Variants in MXD4 observed in about 807,000 individuals in gnomAD.
MXD4 encodes the protein MAX dimerization protein 4.
In MXD4, 16 loss-of-function variants were observed where a neutral mutation model predicts 24.5. The observed-to-expected ratio is 0.65, with a 90% CI of 0.44 to 0.99. The LOEUF is 0.99. Ranked by LOEUF, MXD4 falls within the 50% of genes least tolerant of loss-of-function variation. The pLI is 0.00. For missense variants in MXD4, 301 were observed against 301.5 expected (o/e 1.00, Z 0.01); for synonymous variants, 164 against 134.2 (o/e 1.22, Z -1.54).
intron 3 of MXD4, chr4:2,254,604 T>C (rs1735389075): frequency 6.6e-6 from 1 of 152,068 alleles, no homozygotes; most frequent in Non-Finnish European, 1.5e-5. Flanking sequence ...TTGCAATACA[T>C]ATAAAAGACA....
Position 2,250,337 on chromosome 4 carries a change from C to T in MXD4, c.*207G>A. 2 of 667,926 alleles carry T rather than the reference C, an allele frequency of 3.0e-6. No homozygotes were observed. Among genetic ancestry groups the T allele is most frequent in the Non-Finnish European group, 2.5e-6 (1 of 405,260 alleles). The allele number at this position is 667,926 out of a possible 1,614,324, so 41.4% of individuals were successfully genotyped here. A position where few individuals can be genotyped will look rare whatever the true frequency, so the allele number is the denominator to read the frequency against. On this transcript the variant is annotated 3_prime_UTR_variant, in exon 6 of 6. Transcript: ENST00000337190. ...GTGGAAGCTGGGCCCTGCCTCCTTG[C>T]AGGGGACTCTGCCCAGCTGGAAGGG...
chr4:2,257,245 C>G (rs898609021), intron 3 of MXD4, among the ~76,000 whole-genome samples: 1 of 152,208 alleles, frequency 6.6e-6, no homozygotes, highest in Non-Finnish European at 1.5e-5. Context: ...ACCTGCCCCA[C>G]TAGGAAGGGA....
intron 4 of MXD4, 32 bp downstream of exon 4, chr4:2,252,376 A>T: frequency 1.3e-6 from 2 of 1,563,188 alleles, no homozygotes; most frequent in Non-Finnish European, 1.8e-6. Context: ...AGGCAGCCAG[A>T]CAGGGCAGGG....
intron 4 of MXD4, 88 bp from the exon 5 acceptor site, chr4:2,251,334 C>A: frequency 7.1e-7 from 1 of 1,409,440 alleles, no homozygotes; most frequent in Non-Finnish European, 9.4e-7. Context: ...AGGCCTGGGC[C>A]CGGGAGGTTC....
Position 2,247,994 on chromosome 4 carries a change from G to A in MXD4, c.*2550C>T, listed in dbSNP as rs1485880828. 6.6e-6 allele frequency: 1 copy of A among 152,374 alleles called. No individual in the cohort carries two copies. Among genetic ancestry groups the A allele is most frequent in the Non-Finnish European group, 1.5e-5 (1 of 68,136 alleles). The allele number at this position is 152,374 out of a possible 1,614,324, so 9.4% of individuals were successfully genotyped here. ...GCTCAGTGGCCGAGAGCACTGGTGT[G>A]GGCTGGGAGGGCACACGCAGAGGCT... is the stretch of plus-strand genomic sequence containing the variant. On this transcript the variant is annotated 3_prime_UTR_variant, in exon 6 of 6. Coordinates refer to ENST00000337190, the MANE Select transcript of MXD4 (RefSeq NM_006454.3).
chr4:2,262,000 C>T lies in MXD4; in HGVS notation c.-20G>A. On this transcript the variant is annotated 5_prime_UTR_variant, in exon 1 of 6. Coordinates refer to ENST00000337190, the MANE Select transcript of MXD4 (RefSeq NM_006454.3). ...CTCCATCCTCCCGCCCGCGCCCGTC[C>T]GCCCCGGGACGGCGGCGGCCGCTGC... 3.2e-6 allele frequency: 4 copies of T among 1,254,066 alleles called. 1 individual carries two copies. Among genetic ancestry groups the T allele is most frequent in the Non-Finnish European group, 2.0e-6 (2 of 993,216 alleles). The allele number at this position is 1,254,066 out of a possible 1,614,324, so 77.7% of individuals were successfully genotyped here. A position where few individuals can be genotyped will look rare whatever the true frequency, so the allele number is the denominator to read the frequency against.
At chr4:2,253,680 C>T (rs989960908) in intron 3 of MXD4, 1 of 152,240 alleles carries the variant, frequency 6.6e-6, no homozygotes, top group Admixed American at 6.5e-5. Context: ...AATCTTGTCC[C>T]CCTGGGAGTA....
rs549784362 is a variant in MXD4, at chr4:2,251,145, G to C, written c.411C>G (p.Ser137Arg). The C allele has an allele frequency of 2.5e-6, 4 of 1,600,278 alleles. No individual in the cohort carries two copies. The highest frequency in any genetic ancestry group is 1.7e-5 in the Admixed American group (1 of 58,594). Residue 137 changes from serine to arginine, a missense_variant, in exon 5 of 6, where the codon AGC (serine) becomes AGG (arginine). Ser to Arg is a moderately radical substitution (Grantham distance 110). Coordinates refer to ENST00000337190, the MANE Select transcript of MXD4 (RefSeq NM_006454.3). ...TGCTATCTGTGCGCACGCGCTCCAC[G>C]CTCTGCACCGACAGCTGCTCCAGGC... ...KRRLEQLSVQ[S>R]VERVRTDSTG... is the part of the protein sequence containing the mutation.
intron 5 of MXD4, among the ~76,000 whole-genome samples, 161 bp from the exon 6 acceptor site, chr4:2,250,862 C>T (rs578159800): frequency 1.5e-3 from 225 of 152,276 alleles, no homozygotes; most frequent in African/African-American, 5.0e-3. Flanking sequence ...GCTGAGAACC[C>T]GGCCTCAGAA....
intron 2 of MXD4, chr4:2,260,617 T>G (rs971490355): frequency 2.2e-6 from 1 of 454,976 alleles, no homozygotes; most frequent in South Asian, 1.6e-5. Flanking sequence ...TTCCCCAAAC[T>G]GTCCCCAGTA....
chr4:2,259,751 A>G (rs891691627), intron 2 of MXD4, among the ~76,000 whole-genome samples: 4 of 152,022 alleles, frequency 2.6e-5, no homozygotes, highest in African/African-American at 9.7e-5. Flanking sequence ...GGAGCACTCT[A>G]TCCCTCAGGA....
chr4:2,259,470 T>G (rs909828959), intron 2 of MXD4, among the ~76,000 whole-genome samples: 1 of 152,192 alleles, frequency 6.6e-6, no homozygotes, highest in Admixed American at 6.5e-5. Context: ...TTCCCCAGAA[T>G]AGGCAGGCCG....
At chr4:2,259,888 C>T (rs967369340) in intron 2 of MXD4, among the ~76,000 whole-genome samples, 3 of 152,206 alleles carry the variant, frequency 2.0e-5, no homozygotes, top group African/African-American at 7.2e-5. Flanking sequence ...TCTGCCGCCT[C>T]CCTCAACCCT....
At chr4:2,257,798 G>T (rs1190981078) in intron 3 of MXD4, among the ~76,000 whole-genome samples, 184 bp downstream of exon 3, 1 of 152,248 alleles carries the variant, frequency 6.6e-6, no homozygotes, top group African/African-American at 2.4e-5. Context: ...CCTGCCTCTA[G>T]CACAGAGTGC....
intron 2 of MXD4, among the ~76,000 whole-genome samples, chr4:2,260,913 G>A (rs1256461838): frequency 6.6e-6 from 1 of 152,164 alleles, no homozygotes; most frequent in Non-Finnish European, 1.5e-5. Context: ...AATCCCCGGG[G>A]AGCCCCGGCC....
chr4:2,261,555 G>A (rs1478174079), intron 2 of MXD4, among the ~76,000 whole-genome samples, 170 bp downstream of exon 2: 1 of 147,536 alleles, frequency 6.8e-6, no homozygotes, highest in South Asian at 2.1e-4. Context: ...GGGGCCGGCC[G>A]GGCGGGGCTG....
chr4:2,262,029 G>C lies in MXD4; in HGVS notation c.-49C>G. 8.7e-6 allele frequency: 9 copies of C among 1,030,340 alleles called. No individual in the cohort carries two copies. Among genetic ancestry groups the C allele is most frequent in the Non-Finnish European group, 1.1e-5 (9 of 850,448 alleles). The allele number at this position is 1,030,340 out of a possible 1,614,324, so 63.8% of individuals were successfully genotyped here. The stretch of plus-strand genomic sequence containing the variant: ...CCGGGACGGCGGCGGCCGCTGCCCG[G>C]CCCGCTCCGGCCGGCTCCGCTCGCC... On this transcript the variant is annotated 5_prime_UTR_variant, in exon 1 of 6. Transcript: ENST00000337190.
At chr4:2,259,431 G>C (rs115490933) in intron 2 of MXD4, among the ~76,000 whole-genome samples, 1 of 152,252 alleles carries the variant, frequency 6.6e-6, no homozygotes, top group East Asian at 1.9e-4. Context: ...TGGCCTCACA[G>C]AGATAGGCCC....
Position 2,252,272 on chromosome 4 carries a change from C to T in MXD4, c.309+136G>A, listed in dbSNP as rs1201229772. On this transcript the variant is annotated intron_variant, in intron 4 of 5. Coordinates refer to ENST00000337190, the MANE Select transcript of MXD4 (RefSeq NM_006454.3). ...ACCCACCAGGCCCCCGACACACACC[C>T]GCCAGATGGCTCCCCACCCATCTTC... 1.5e-4 allele frequency: 107 copies of T among 700,964 alleles called. 10 individuals are homozygous for T. In the South Asian group the frequency reaches 1.6e-3, roughly 10 times the overall value. The allele number at this position is 700,964 out of a possible 1,614,324, so 43.4% of individuals were successfully genotyped here. A position where few individuals can be genotyped will look rare whatever the true frequency, so the allele number is the denominator to read the frequency against.
Sources: allele counts gnomAD v4.1 joint callset (sites outside exome capture counted in the v4.1 genomes callset), GRCh38; gene constraint gnomAD v4.1.1; transcripts MANE v1.5; gene names NCBI Gene and HGNC (gene_info 2026-07-23, HGNC 2026-07-21).